The following SETD2 variants were observed in gnomAD, a reference collection of about 807,000 sequenced individuals.
SETD2 encodes SET domain containing 2, histone lysine methyltransferase.
A neutral mutation model predicts 242.1 loss-of-function variants in SETD2; 31 were observed. That is an observed-to-expected ratio of 0.13 (90% CI 0.10 to 0.17). The LOEUF is 0.17. Among genes scored for constraint, SETD2 ranks in the 10% least tolerant of loss-of-function variants. The pLI is 1.00. For missense variants in SETD2, 2,481 were observed against 3,046.3 expected, an observed-to-expected ratio of 0.81 and a Z score of 4.37; for synonymous variants, 1,006 against 1,066.5, an observed-to-expected ratio of 0.94 and a Z score of 1.11.
chr3:47,122,432 G>A lies in SETD2; in HGVS notation c.2204C>T (p.Thr735Ile), dbSNP rs1324928449. Reference protein sequence around the residue: ...SRCKEKDLDDTCMLHKKSESP... With the variant: ...SRCKEKDLDDICMLHKKSESP... The stretch of plus-strand genomic sequence containing the variant: ...TTCTGACTTCTTATGCAGCATGCAG[G>A]TATCATCCAAGTCTTTTTCTTTGCA... Residue 735 changes from threonine to isoleucine, a missense_variant, in exon 3 of 21, where the codon ACC (threonine) becomes ATC (isoleucine). Transcript: ENST00000409792. 2 of 1,614,126 alleles carry A rather than the reference G, an allele frequency of 1.2e-6. No individual in the cohort carries two copies. Among genetic ancestry groups the A allele is most frequent in the Admixed American group, 1.7e-5 (1 of 60,022 alleles).
At chr3:47,038,712 A>G (rs2039138309) in intron 17 of SETD2, among the ~76,000 whole-genome samples, 1 of 152,222 alleles carries the variant, frequency 6.6e-6, no homozygotes, top group Non-Finnish European at 1.5e-5. Context: ...TTAACCCTTT[A>G]AATGTTTACA....
intron 9 of SETD2, 141 bp downstream of exon 9, chr3:47,097,814 T>C (rs2042065406): frequency 1.4e-6 from 1 of 715,102 alleles, no homozygotes; most frequent in East Asian, 2.7e-5. Flanking sequence ...AAATAGCAAT[T>C]GCATCTCTTT....
intron 15 of SETD2, among the ~76,000 whole-genome samples, chr3:47,049,444 C>T (rs1260055887): frequency 7.1e-6 from 1 of 141,120 alleles, no homozygotes; most frequent in Non-Finnish European, 1.5e-5. Flanking sequence ...ACGACCTCGG[C>T]TCACTGCAAG....
At chr3:47,068,834 T>C (rs2040688167) in intron 12 of SETD2, among the ~76,000 whole-genome samples, 1 of 152,098 alleles carries the variant, frequency 6.6e-6, no homozygotes, top group Non-Finnish European at 1.5e-5. Flanking sequence ...CCGGGGTCTC[T>C]GTCGCACAGG....
chr3:47,154,020 T>C (rs901063007), intron 1 of SETD2, among the ~76,000 whole-genome samples: 1 of 152,294 alleles, frequency 6.6e-6, no homozygotes, highest in Admixed American at 6.5e-5. Context: ...AAGGCTCTTT[T>C]AAACTGCCTA....
Position 47,164,080 on chromosome 3 carries a change from C to T in SETD2, c.-156G>A. 2.6e-6 allele frequency: 3 copies of T among 1,153,526 alleles called. No individual in the cohort carries two copies. Among genetic ancestry groups the T allele is most frequent in the Non-Finnish European group, 3.2e-6 (3 of 924,146 alleles). The allele number at this position is 1,153,526 out of a possible 1,614,324, so 71.5% of individuals were successfully genotyped here. ...CGCGTCGCTACCTCGCTCGTCGCTCCCTCCCTCCCTCGGACGCCCGCCAGC... is the reference window on the plus strand; with the variant it reads ...CGCGTCGCTACCTCGCTCGTCGCTCTCTCCCTCCCTCGGACGCCCGCCAGC... On this transcript the variant is annotated 5_prime_UTR_variant, in exon 1 of 21. Coordinates refer to ENST00000409792, the MANE Select transcript of SETD2 (RefSeq NM_014159.7). The surrounding 1 kb of genome is among the most constrained non-coding windows in gnomAD (Gnocchi z 5.4).
At chr3:47,021,619 T>A (rs2038222988) in intron 18 of SETD2, among the ~76,000 whole-genome samples, 1 of 152,146 alleles carries the variant, frequency 6.6e-6, no homozygotes, top group Non-Finnish European at 1.5e-5. Context: ...TCCCCAGACT[T>A]ACATCATGGA....
At chr3:47,024,792 GTAAA>G (rs1252088623) in intron 18 of SETD2, among the ~76,000 whole-genome samples, 2 of 152,214 alleles carry the variant, frequency 1.3e-5, no homozygotes, top group Non-Finnish European at 2.9e-5. Flanking sequence ...GGAGGCAGCA[GTAAA>G]TAAACTGCTG....
intron 2 of SETD2, 68 bp downstream of exon 2, chr3:47,126,579 AC>A (rs1294825381): frequency 3.9e-6 from 3 of 773,604 alleles, no homozygotes; most frequent in Non-Finnish European, 6.3e-6. Context: ...TTCAGCTTTT[AC>A]CCAATTTCTA....
intron 18 of SETD2, among the ~76,000 whole-genome samples, chr3:47,022,487 A>G (rs904703521): frequency 6.6e-6 from 1 of 152,198 alleles, no homozygotes; most frequent in African/African-American, 2.4e-5. Flanking sequence ...TGGGCAACAG[A>G]GTGAAATGCT....
At chr3:47,019,996 G>A (rs761789377) in intron 18 of SETD2, among the ~76,000 whole-genome samples, 156 bp from the exon 19 acceptor site, 6 of 152,094 alleles carry the variant, frequency 3.9e-5, no homozygotes, top group African/African-American at 1.4e-4. Flanking sequence ...ACAAGGCCTG[G>A]AGTCAACTTG....
chr3:47,088,267 T>C lies in SETD2; in HGVS notation c.5143-20A>G, dbSNP rs201987175. On this transcript the variant is annotated intron_variant, in intron 9 of 20. Transcript: ENST00000409792. ...ATCCACCTACCACAGCAAATAAAAA[T>C]ACCTTTTTATAAAACAACAACAACA... 4.5e-4 allele frequency: 712 copies of C among 1,571,040 alleles called. 8 individuals carry two copies. The Admixed American group carries it at 0.012, about 27-fold the overall frequency.
intron 1 of SETD2, among the ~76,000 whole-genome samples, chr3:47,133,257 TG>T (rs1559757769): frequency 6.6e-6 from 1 of 152,216 alleles, no homozygotes; most frequent in East Asian, 1.9e-4. Flanking sequence ...GGGGTCTATG[TG>T]GTCCAGGTTG....
At chr3:47,083,219 G>C (rs1337418710) in intron 12 of SETD2, among the ~76,000 whole-genome samples, 3 of 152,092 alleles carry the variant, frequency 2.0e-5, no homozygotes, top group African/African-American at 7.2e-5. Context: ...TTTAAAAGCA[G>C]GCCCATTTCA....
At chr3:47,142,215 A>AT (rs1465672460) in intron 1 of SETD2, among the ~76,000 whole-genome samples, 1 of 152,198 alleles carries the variant, frequency 6.6e-6, no homozygotes, top group African/African-American at 2.4e-5. Context: ...CTAAAAGATC[A>AT]TAATAATGGG....
At chr3:47,039,004 A>G (rs987440709) in intron 17 of SETD2, among the ~76,000 whole-genome samples, 1 of 152,208 alleles carries the variant, frequency 6.6e-6, no homozygotes, top group Admixed American at 6.5e-5. Flanking sequence ...ATACATATAT[A>G]TAGACTATTG....
At position 47,122,322 on chromosome 3, in the gene SETD2, T is replaced by C. The variant is rs142099709; in HGVS notation, c.2314A>G (p.Lys772Glu). The C allele has an allele frequency of 4.1e-5, 66 of 1,614,226 alleles. No homozygotes were observed. In the African/African-American group the frequency reaches 5.9e-4, roughly 14 times the overall value. ...TCAACTGGTTCTTTAACTACTGTTT[T>C]GGAATAATCCACAGTCATAACTGGC... Reference protein sequence around the residue: ...SMPVMTVDYSKTVVKEPVDTR... With the variant: ...SMPVMTVDYSETVVKEPVDTR... The change falls in exon 3 of 21, where the codon AAA (lysine) becomes GAA (glutamate). Residue 772 changes from lysine to glutamate, a missense_variant. This residue lies in a region of SETD2 where 1,300 missense variants were observed against 1,259.2 expected (regional missense o/e 1.03). Coordinates refer to ENST00000409792, the MANE Select transcript of SETD2 (RefSeq NM_014159.7).
intron 1 of SETD2, among the ~76,000 whole-genome samples, chr3:47,133,673 C>T (rs2043530054): frequency 6.6e-6 from 1 of 152,130 alleles, no homozygotes; most frequent in Non-Finnish European, 1.5e-5. Flanking sequence ...GCAGAGGTTG[C>T]AGTGAGCCAA....
chr3:47,156,887 T>G (rs2044138322), intron 1 of SETD2, among the ~76,000 whole-genome samples: 4 of 152,338 alleles, frequency 2.6e-5, no homozygotes, highest in Non-Finnish European at 5.9e-5. Context: ...GGCTCACATC[T>G]GTAATCCCAG....
Sources: gnomAD v4.1 joint callset for allele counts (sites outside exome capture counted in the v4.1 genomes callset) on GRCh38, gnomAD v4.1.1 for gene constraint, gnomAD v4.1.1 regional missense constraint, Gnocchi (gnomAD v3.1) non-coding constraint, MANE v1.5 for transcripts, NCBI Gene and HGNC (gene_info 2026-07-23, HGNC 2026-07-21) for gene names.